Variants in COX7B2 observed in about 807,000 individuals in gnomAD.
The protein encoded by COX7B2 is cytochrome c oxidase subunit 7B2.
For synonymous variants in COX7B2, 37 were observed against 32.1 expected, an observed-to-expected ratio of 1.15 and a Z score of -0.51; for missense variants, 109 against 95.9, an observed-to-expected ratio of 1.14 and a Z score of -0.57.
chr4:46,813,397 G>C (rs1719384841), intron 2 of COX7B2, among the ~76,000 whole-genome samples: 1 of 152,018 alleles, frequency 6.6e-6, no homozygotes, highest in Non-Finnish European at 1.5e-5. Flanking sequence ...ATGTTATATG[G>C]AACACTTCAA....
At chr4:46,770,233 A>C (rs893744160) in intron 2 of COX7B2, among the ~76,000 whole-genome samples, 3 of 152,118 alleles carry the variant, frequency 2.0e-5, no homozygotes, top group African/African-American at 7.2e-5. Flanking sequence ...CAGAACTACA[A>C]CCCCAATAAC....
chr4:46,901,957 C>T (rs1720091917), intron 1 of COX7B2, among the ~76,000 whole-genome samples: 1 of 152,208 alleles, frequency 6.6e-6, no homozygotes, highest in Admixed American at 6.5e-5. Context: ...GGTTCCCCAT[C>T]TTGGGACAAC....
intron 1 of COX7B2, among the ~76,000 whole-genome samples, chr4:46,895,451 G>T (rs769602970): frequency 6.6e-6 from 1 of 152,008 alleles, no homozygotes; most frequent in Non-Finnish European, 1.5e-5. Context: ...GAACTCATGG[G>T]CACAAAGAGG....
chr4:46,859,010 C>A (rs566820473), intron 1 of COX7B2, among the ~76,000 whole-genome samples: 1 of 152,302 alleles, frequency 6.6e-6, no homozygotes, highest in South Asian at 2.1e-4. Flanking sequence ...CAAACTAGAT[C>A]TGTCAACTTA....
intron 2 of COX7B2, among the ~76,000 whole-genome samples, chr4:46,756,401 T>C (rs1715803006): frequency 6.6e-6 from 1 of 152,088 alleles, no homozygotes; most frequent in Non-Finnish European, 1.5e-5. Context: ...AAAGAATTTA[T>C]GACCAAGTCC....
At chr4:46,737,650 C>A (rs571608059) in intron 2 of COX7B2, among the ~76,000 whole-genome samples, 2 of 152,154 alleles carry the variant, frequency 1.3e-5, no homozygotes, top group African/African-American at 4.8e-5. Flanking sequence ...TAGATAGTTA[C>A]AAGAAATCTG....
chr4:46,766,952 A>G (rs889584329), intron 2 of COX7B2, among the ~76,000 whole-genome samples: 3 of 152,224 alleles, frequency 2.0e-5, no homozygotes, highest in Non-Finnish European at 4.4e-5. Context: ...AGAAAAACAC[A>G]AAGGAACCAC....
chr4:46,855,082 C>G, intron 1 of COX7B2, among the ~76,000 whole-genome samples: 1 of 152,088 alleles, frequency 6.6e-6, no homozygotes, highest in East Asian at 1.9e-4. Context: ...AATCCCAGCA[C>G]TTTGGGAGGC....
chr4:46,831,446 G>A (rs1207142706), intron 2 of COX7B2, among the ~76,000 whole-genome samples: 2 of 152,216 alleles, frequency 1.3e-5, no homozygotes, highest in Admixed American at 6.5e-5. Flanking sequence ...GCATGGCACG[G>A]GACTGGCAGG....
At chr4:46,886,110 G>A (rs1405566502) in intron 1 of COX7B2, among the ~76,000 whole-genome samples, 1 of 152,130 alleles carries the variant, frequency 6.6e-6, no homozygotes, top group Non-Finnish European at 1.5e-5. Flanking sequence ...TGCCCTTGAA[G>A]GCAGGCAAAG....
intron 1 of COX7B2, among the ~76,000 whole-genome samples, chr4:46,854,011 C>T (rs1716860457): frequency 6.6e-6 from 1 of 152,078 alleles, no homozygotes; most frequent in South Asian, 2.1e-4. Context: ...TTCTTTAGAA[C>T]TATTTTTTAG....
At position 46,875,296 on chromosome 4, in the gene COX7B2, T is replaced by C. The variant is rs576761439; in HGVS notation, c.-104-30282A>G. Among the ~76,000 whole-genome samples, 5 of 152,338 alleles carry C rather than the reference T, an allele frequency of 3.3e-5. No individual in the cohort carries two copies. In the East Asian group the frequency reaches 5.8e-4, roughly 18 times the overall value. On this transcript the variant is annotated intron_variant, in intron 1 of 2. Transcript: ENST00000355591. ...AAAACATTGGATTTTAACATGTTTC[T>C]TTCAAATAGAAAAAGTATTGTGCAC...
At chr4:46,859,940 A>G (rs1351207597) in intron 1 of COX7B2, among the ~76,000 whole-genome samples, 1 of 152,202 alleles carries the variant, frequency 6.6e-6, no homozygotes, top group Non-Finnish European at 1.5e-5. Context: ...CTCTACAAAG[A>G]GCAGCTACTC....
chr4:46,745,079 C>T (rs909477055), intron 2 of COX7B2, among the ~76,000 whole-genome samples: 8 of 152,238 alleles, frequency 5.3e-5, no homozygotes, highest in African/African-American at 1.7e-4. Context: ...TTCCATTTTG[C>T]ATTAAAATTG....
At chr4:46,842,008 G>A (rs1296255894) in intron 2 of COX7B2, among the ~76,000 whole-genome samples, 1 of 151,810 alleles carries the variant, frequency 6.6e-6, no homozygotes, top group Non-Finnish European at 1.5e-5. Context: ...CAAAATAAAT[G>A]GTGGATTAGA....
rs1421217314 is a variant in COX7B2, at chr4:46,785,318, A to AC, written c.-49-50078dup. ...TACAATACTGCTTTCATTAAAAAAA[A>AC]CTCTATTGTTGTTGAAAAAATGGAT... On this transcript the variant is annotated intron_variant, in intron 2 of 2. Transcript: ENST00000355591. Among the ~76,000 whole-genome samples the AC allele has an allele frequency of 1.2e-3, 184 of 152,194 alleles. 1 individual carries two copies. The highest frequency in any genetic ancestry group is 4.2e-3 in the African/African-American group (174 of 41,494).
At chr4:46,892,036 A>G (rs550008834) in intron 1 of COX7B2, among the ~76,000 whole-genome samples, 1 of 152,282 alleles carries the variant, frequency 6.6e-6, no homozygotes, top group African/African-American at 2.4e-5. Context: ...TAAGGACTCT[A>G]CTGGAGTACA....
intron 1 of COX7B2, among the ~76,000 whole-genome samples, chr4:46,880,737 G>C (rs990393411): frequency 3.4e-5 from 5 of 147,742 alleles, no homozygotes; most frequent in Non-Finnish European, 5.9e-5. Context: ...AAAAACTATC[G>C]CAAGAACAAA....
At chr4:46,742,761 G>C (rs1403503906) in intron 2 of COX7B2, among the ~76,000 whole-genome samples, 2 of 152,130 alleles carry the variant, frequency 1.3e-5, no homozygotes, top group Non-Finnish European at 2.9e-5. Flanking sequence ...CTGTGAGCTG[G>C]TGTCCTCAAA....
Sources: allele counts gnomAD v4.1 joint callset (sites outside exome capture counted in the v4.1 genomes callset), GRCh38; gene constraint gnomAD v4.1.1; transcripts MANE v1.5; gene names NCBI Gene and HGNC (gene_info 2026-07-23, HGNC 2026-07-21).